Variants in C19orf18 observed in about 807,000 individuals in gnomAD.
C19orf18 encodes the protein chromosome 19 open reading frame 18, also known as uncharacterized protein C19orf18.
C19orf18 carries 21 observed loss-of-function variants against 23.3 expected under a neutral mutation model. That is an observed-to-expected ratio of 0.90 (90% CI 0.64 to 1.30). The LOEUF is 1.30. Ranked by LOEUF, C19orf18 falls within the 50% of genes most tolerant of loss-of-function variation. C19orf18 has a pLI of 0.00. For synonymous variants in C19orf18, 96 were observed against 95.2 expected, an observed-to-expected ratio of 1.01 and a Z score of -0.05; for missense variants, 249 against 259.6, an observed-to-expected ratio of 0.96 and a Z score of 0.28.
chr19:57,968,237 G>T lies in C19orf18; in HGVS notation c.269-1605C>A, dbSNP rs139626279. Among the ~76,000 whole-genome samples, 107 of 152,310 alleles carry T rather than the reference G, an allele frequency of 7.0e-4. 1 individual carries two copies. The East Asian group carries it at 0.017, about 25-fold the overall frequency. ...AAGGGTGCTATTCCCAGTCATGGGG[G>T]TTCCACCCTCAAGACCGCATCACCT... On this transcript the variant is annotated intron_variant, in intron 3 of 5. Transcript: ENST00000314391.
rs1041238206 is a variant in C19orf18 at position 57,973,681 on chromosome 19, C to T, written c.226+418G>A. ...TGGAGCTTGCAGTGAGCCGAGATCG[C>T]GCCACTGCACTCCAGCCTGGGCGAC... On this transcript the variant is annotated intron_variant, in intron 2 of 5. Transcript: ENST00000314391. Among the ~76,000 whole-genome samples, 46 of 150,272 alleles carry T rather than the reference C, an allele frequency of 3.1e-4. No individual in the cohort carries two copies. In the East Asian group the frequency reaches 3.7e-3, roughly 12 times the overall value.
chr19:57,962,588 G>A (rs2123220060), intron 4 of C19orf18, among the ~76,000 whole-genome samples: 1 of 152,278 alleles, frequency 6.6e-6, no homozygotes, highest in East Asian at 1.9e-4. Context: ...AGGCGCGGTG[G>A]CTCACGCCAG....
intron 3 of C19orf18, among the ~76,000 whole-genome samples, chr19:57,969,739 T>C (rs1396102895): frequency 2.0e-5 from 3 of 151,694 alleles, no homozygotes; most frequent in East Asian, 3.9e-4. Context: ...AAACCCCATC[T>C]CTGCTAAAAA....
In C19orf18 at chr19:57,959,392, C is replaced by G. The variant is rs576578074; in HGVS notation, c.533-675G>C. ...AATCCCAGGACTTTGGGAGGCTGAACAGGGCGGATCACTTGAAGTCAAGAG... is the reference window on the plus strand; with the variant it reads ...AATCCCAGGACTTTGGGAGGCTGAAGAGGGCGGATCACTTGAAGTCAAGAG... On this transcript the variant is annotated intron_variant, in intron 5 of 5. Transcript: ENST00000314391. 2.5e-3 allele frequency among the ~76,000 whole-genome samples: 386 copies of G among 152,006 alleles called. 1 individual carries two copies. Among genetic ancestry groups the G allele is most frequent in the Middle Eastern group, 0.01 (3 of 294 alleles).
At position 57,961,561 on chromosome 19, in the gene C19orf18, G is replaced by T; in HGVS notation, c.372-10C>A. The T allele has an allele frequency of 6.3e-7, 1 of 1,598,308 alleles. No individual in the cohort carries two copies. The highest frequency in any genetic ancestry group is 8.5e-7 in the Non-Finnish European group (1 of 1,176,078). ...AGCCTGTGCCAGTCGACTGGAGAAT[G>T]ATATAAATGAATTTAGAAGCACAGT... On this transcript the variant is annotated splice_polypyrimidine_tract_variant and intron_variant, in intron 4 of 5. Transcript: ENST00000314391.
chr19:57,959,394 G>A (rs1276808752), intron 5 of C19orf18, among the ~76,000 whole-genome samples: 1 of 152,078 alleles, frequency 6.6e-6, no homozygotes, highest in Non-Finnish European at 1.5e-5. Context: ...AGGCTGAACA[G>A]GGCGGATCAC....
At chr19:57,973,744 A>G (rs540965481) in intron 2 of C19orf18, among the ~76,000 whole-genome samples, 39 of 152,028 alleles carry the variant, frequency 2.6e-4, no homozygotes, top group African/African-American at 9.4e-4. Flanking sequence ...AAAAAGAAAA[A>G]AAAGAATTCT....
rs1600206536 is a variant in C19orf18, at chr19:57,966,717, G to T, written c.269-85C>A. 54 of 869,674 alleles carry T rather than the reference G, an allele frequency of 6.2e-5. No individual in the cohort carries two copies. In the East Asian group the frequency reaches 1.4e-3, roughly 22 times the overall value. The allele number at this position is 869,674 out of a possible 1,614,324, so 53.9% of individuals were successfully genotyped here. A position where few individuals can be genotyped will look rare whatever the true frequency, so the allele number is the denominator to read the frequency against. On this transcript the variant is annotated intron_variant, in intron 3 of 5. Transcript: ENST00000314391. ...GTTAATATATTTGTCCTTACAGAGG[G>T]GAATGGAAGTCAAAACCAGAAACAC...
chr19:57,972,915 C>T (rs554528913), intron 2 of C19orf18, among the ~76,000 whole-genome samples: 7 of 151,864 alleles, frequency 4.6e-5, no homozygotes, highest in Non-Finnish European at 8.8e-5. Context: ...GTAATCCCAG[C>T]GAGGAAGGCA....
intron 5 of C19orf18, among the ~76,000 whole-genome samples, chr19:57,960,533 T>C (rs1007001009): frequency 1.3e-5 from 2 of 152,170 alleles, no homozygotes; most frequent in Non-Finnish European, 2.9e-5. Context: ...CATGGCATGC[T>C]GGGAAATTTT....
intron 3 of C19orf18, 137 bp from the exon 4 acceptor site, chr19:57,966,769 TTTTG>T: frequency 1.6e-6 from 1 of 611,260 alleles, no homozygotes; most frequent in Non-Finnish European, 2.8e-6. Flanking sequence ...TTTTGTTTTT[TTTTG>T]TTTTGTTTTC....
chr19:57,961,211 G>A (rs775331245), intron 5 of C19orf18, among the ~76,000 whole-genome samples, 180 bp downstream of exon 5: 4 of 151,620 alleles, frequency 2.6e-5, no homozygotes, highest in Non-Finnish European at 5.9e-5. Context: ...CTCCAGCCTG[G>A]GCTACAGAGT....
At chr19:57,966,478 G>T (rs2072908916) in intron 4 of C19orf18, 52 bp downstream of exon 4, 3 of 1,115,312 alleles carry the variant, frequency 2.7e-6, no homozygotes, top group South Asian at 2.6e-5. Flanking sequence ...ATAATCAGTT[G>T]ACTTGTTATG....
intron 3 of C19orf18, among the ~76,000 whole-genome samples, chr19:57,970,990 A>C (rs2072940999): frequency 6.6e-6 from 1 of 152,168 alleles, no homozygotes; most frequent in South Asian, 2.1e-4. Context: ...CTAGTGTCAA[A>C]AGAAGGACCA....
chr19:57,965,745 G>A (rs930252455), intron 4 of C19orf18, among the ~76,000 whole-genome samples: 5 of 152,022 alleles, frequency 3.3e-5, no homozygotes, highest in South Asian at 2.1e-4. Context: ...GCGAAACTCC[G>A]TCCCCTCCCC....
At chr19:57,968,393 T>C in intron 3 of C19orf18, among the ~76,000 whole-genome samples, 1 of 152,172 alleles carries the variant, frequency 6.6e-6, no homozygotes, top group East Asian at 1.9e-4. Flanking sequence ...AGGAAAGTCC[T>C]TGAGTTGGCC....
chr19:57,974,088 C>T lies in C19orf18; in HGVS notation c.226+11G>A. 6.2e-7 allele frequency: 1 copy of T among 1,611,388 alleles called. No individual in the cohort carries two copies. The highest frequency in any genetic ancestry group is 8.5e-7 in the Non-Finnish European group (1 of 1,177,588). On this transcript the variant is annotated intron_variant, in intron 2 of 5. Coordinates refer to ENST00000314391, the MANE Select transcript of C19orf18 (RefSeq NM_152474.5). ...TTCTCACTCCACTGAATGAGGAATT[C>T]AATGACTCACCCGTGGATCTCGAGG...
chr19:57,965,809 T>A (rs1005680848), intron 4 of C19orf18, among the ~76,000 whole-genome samples: 8 of 152,150 alleles, frequency 5.3e-5, no homozygotes, highest in African/African-American at 1.9e-4. Context: ...TTTGGGAGGA[T>A]GCTAGCATCT....
intron 3 of C19orf18, among the ~76,000 whole-genome samples, chr19:57,970,605 A>G (rs900906528): frequency 1.3e-5 from 2 of 151,540 alleles, no homozygotes; most frequent in Admixed American, 6.6e-5. Flanking sequence ...TTTTTGTTAC[A>G]GAGTCTCGCT....
Sources: gnomAD v4.1 joint callset for allele counts (sites outside exome capture counted in the v4.1 genomes callset) on GRCh38, gnomAD v4.1.1 for gene constraint, MANE v1.5 for transcripts, NCBI Gene and HGNC (gene_info 2026-07-23, HGNC 2026-07-21) for gene names.